The following PCTP variants were observed in gnomAD, a reference collection of about 807,000 sequenced individuals.
PCTP encodes phosphatidylcholine transfer protein.
PCTP carries 27 observed loss-of-function variants against 31.0 expected under a neutral mutation model. That is an observed-to-expected ratio of 0.87 (90% CI 0.64 to 1.20). The LOEUF is 1.20. Among genes scored for constraint, PCTP ranks in the 50% most tolerant of loss-of-function variants. The pLI, the probability that PCTP is intolerant of heterozygous loss-of-function variation, is 0.00. For missense variants in PCTP, 287 were observed against 268.2 expected (o/e 1.07, Z -0.49); for synonymous variants, 108 against 101.2 (o/e 1.07, Z -0.40).
downstream of PCTP, among the ~76,000 whole-genome samples, chr17:55,843,955 C>A (rs999057595): frequency 6.6e-6 from 1 of 152,060 alleles, no homozygotes; most frequent in Non-Finnish European, 1.5e-5. Flanking sequence ...AAAGTTATAA[C>A]TATTATTTTA....
intron 1 of PCTP, among the ~76,000 whole-genome samples, chr17:55,751,991 T>C (rs1298433282): frequency 6.6e-6 from 1 of 152,150 alleles, no homozygotes. Flanking sequence ...GAAACTGAAG[T>C]TTCCTAATAC....
intron 1 of PCTP, among the ~76,000 whole-genome samples, chr17:55,763,757 CT>C (rs1422349475): frequency 2.0e-5 from 3 of 152,006 alleles, no homozygotes. Context: ...TTTTTATAAA[CT>C]TTTTAATTAT....
Position 55,755,930 on chromosome 17 carries a change from G to C in PCTP, c.141+4686G>C, listed in dbSNP as rs140966328. On this transcript the variant is annotated intron_variant, in intron 1 of 5. Transcript: ENST00000268896. ...TCATAACTAATAACTAATGTGAACA[G>C]TCTACTATGATAAACTCAGTACCAA... Among the ~76,000 whole-genome samples the C allele has an allele frequency of 2.3e-4, 35 of 152,308 alleles. No individual in the cohort carries two copies. In the East Asian group the frequency reaches 6.6e-3, roughly 29 times the overall value.
intron 5 of PCTP, among the ~76,000 whole-genome samples, chr17:55,830,884 T>TATA (rs1905573186): frequency 6.6e-6 from 1 of 152,060 alleles, no homozygotes; most frequent in South Asian, 2.1e-4. Flanking sequence ...GAGGCAGCAG[T>TATA]ATAATAGTCC....
intron 3 of PCTP, among the ~76,000 whole-genome samples, chr17:55,773,436 C>CTTGG (rs1911118477): frequency 6.6e-6 from 1 of 152,158 alleles, no homozygotes; most frequent in Non-Finnish European, 1.5e-5. Flanking sequence ...TGTCATCTCC[C>CTTGG]AGTGCCTTCT....
intron 3 of PCTP, among the ~76,000 whole-genome samples, chr17:55,807,646 A>G (rs1912616174): frequency 6.6e-6 from 1 of 152,192 alleles, no homozygotes; most frequent in Admixed American, 6.5e-5. Flanking sequence ...GTCAATAATT[A>G]ATCAAGTAAT....
chr17:55,826,548 G>A (rs1056166569), downstream of PCTP, among the ~76,000 whole-genome samples: 1 of 152,104 alleles, frequency 6.6e-6, no homozygotes, highest in Non-Finnish European at 1.5e-5. Flanking sequence ...GAACACTGAA[G>A]TTGGTGAAAA....
Position 55,822,794 on chromosome 17 carries a change from CAG to C in PCTP, c.357_358del (p.Glu119AspfsTer14), listed in dbSNP as rs542192695. 5,483 of 1,231,298 alleles carry C rather than the reference CAG, an allele frequency of 4.5e-3. 15 individuals are homozygous for C. Among genetic ancestry groups the C allele is most frequent in the Non-Finnish European group, 5.2e-3 (5,157 of 987,662 alleles). The allele number at this position is 1,231,298 out of a possible 1,614,324, so 76.3% of individuals were successfully genotyped here. A position where few individuals can be genotyped will look rare whatever the true frequency, so the allele number is the denominator to read the frequency against. On this transcript the variant is annotated frameshift_variant, in exon 4 of 4. Coordinates refer to the PCTP transcript ENST00000572536. LOFTEE classifies it low-confidence loss of function (END_TRUNC). Reference sequence around the variant, plus strand: ...CAGAACCAAGCGGGAAGCTCAGAATCAGAGAGACCTCATCAAGTTTTTGGCAA... The same window carrying C: ...CAGAACCAAGCGGGAAGCTCAGAATCAGAGACCTCATCAAGTTTTTGGCAA...
chr17:55,803,006 C>A lies in PCTP; in HGVS notation c.317+15352C>A, dbSNP rs1005216491. Among the ~76,000 whole-genome samples, 3 of 152,174 alleles carry A rather than the reference C, an allele frequency of 2.0e-5. No homozygotes were observed. In the East Asian group the frequency reaches 5.8e-4, roughly 29 times the overall value. ...TCCTTAAGCTGATAAGCAACTTCAG[C>A]AAAGTCTCAGGATACAAAATCAATG... On this transcript the variant is annotated intron_variant, in intron 3 of 3. Coordinates refer to the PCTP transcript ENST00000572536.
At chr17:55,754,890 T>C (rs1461223600) in intron 1 of PCTP, among the ~76,000 whole-genome samples, 1 of 152,164 alleles carries the variant, frequency 6.6e-6, no homozygotes, top group Admixed American at 6.5e-5. Flanking sequence ...TGTGGGTGTG[T>C]GTGTATACTC....
chr17:55,817,959 GT>G (rs982632667), intron 3 of PCTP, among the ~76,000 whole-genome samples: 1 of 152,202 alleles, frequency 6.6e-6, no homozygotes, highest in African/African-American at 2.4e-5. Flanking sequence ...AGGGCTCACA[GT>G]TTATTGGTGA....
the PCTP span, among the ~76,000 whole-genome samples, chr17:55,852,370 G>A: frequency 6.6e-6 from 1 of 152,042 alleles, no homozygotes; most frequent in South Asian, 2.1e-4. Flanking sequence ...CAAATATAAG[G>A]CCAAGAAACA....
chr17:55,756,638 T>C (rs573865387), intron 1 of PCTP, among the ~76,000 whole-genome samples: 19 of 152,204 alleles, frequency 1.2e-4, no homozygotes, highest in South Asian at 2.1e-4. Context: ...AATTATTTTG[T>C]CCTCTCTACT....
At chr17:55,798,413 T>C (rs1008121114) in intron 3 of PCTP, among the ~76,000 whole-genome samples, 2 of 151,538 alleles carry the variant, frequency 1.3e-5, no homozygotes, top group Non-Finnish European at 3.0e-5. Context: ...CAAAAAACCA[T>C]AAAGAAACTC....
chr17:55,823,075 G>C (rs2145067020), exon 4 of PCTP: 3 of 277,986 alleles, frequency 1.1e-5, no homozygotes, highest in Non-Finnish European at 1.3e-5. Context: ...GAATAAAATG[G>C]ACAAAATTAC....
intron 3 of PCTP, among the ~76,000 whole-genome samples, chr17:55,805,763 T>A (rs2145035520): frequency 6.6e-6 from 1 of 152,204 alleles, no homozygotes; most frequent in South Asian, 2.1e-4. Context: ...CTCTTCCCAT[T>A]GCTGGGAGTA....
downstream of PCTP, among the ~76,000 whole-genome samples, chr17:55,845,778 G>C (rs1244435637): frequency 6.6e-6 from 1 of 151,656 alleles, no homozygotes; most frequent in Non-Finnish European, 1.5e-5. Flanking sequence ...CCCTGGCTCC[G>C]CACCAGCCCA....
chr17:55,813,534 C>T (rs1912821783), intron 3 of PCTP, among the ~76,000 whole-genome samples: 1 of 152,118 alleles, frequency 6.6e-6, no homozygotes, highest in South Asian at 2.1e-4. Context: ...AGGCTTGTCT[C>T]GAACTCCTGA....
intron 1 of PCTP, among the ~76,000 whole-genome samples, chr17:55,759,949 T>G (rs1187467641): frequency 2.0e-5 from 3 of 152,238 alleles, no homozygotes; most frequent in Admixed American, 6.5e-5. Flanking sequence ...ATAATATTTC[T>G]CAGAATACTT....
Sources: gnomAD v4.1 joint callset for allele counts (sites outside exome capture counted in the v4.1 genomes callset) on GRCh38, gnomAD v4.1.1 for gene constraint, MANE v1.5 for transcripts, NCBI Gene and HGNC (gene_info 2026-07-23, HGNC 2026-07-21) for gene names.